NRXN1: variants seen among roughly 807,000 people sequenced by gnomAD.
NRXN1 encodes the protein neurexin-1.
A neutral mutation model predicts 150.9 loss-of-function variants in NRXN1; 39 were observed. The observed-to-expected ratio is 0.26, with a 90% CI of 0.20 to 0.34. The LOEUF (loss-of-function observed/expected upper bound fraction) is 0.34. Among genes scored for constraint, NRXN1 ranks in the 10% least tolerant of loss-of-function variants. The pLI, the probability that NRXN1 is intolerant of heterozygous loss-of-function variation, is 1.00. For synonymous variants in NRXN1, 924 were observed against 757.0 expected, an observed-to-expected ratio of 1.22 and a Z score of -3.62; for missense variants, 1,815 against 1,949.9, an observed-to-expected ratio of 0.93 and a Z score of 1.30.
intron 18 of NRXN1, among the ~76,000 whole-genome samples, chr2:50,167,455 A>G (rs553550995): frequency 1.3e-5 from 2 of 152,226 alleles, no homozygotes; most frequent in African/African-American, 4.8e-5. Context: ...ATATTTTAAG[A>G]AAACAGCTAC....
rs1558570045 is a variant in NRXN1 at position 50,346,738 on chromosome 2, A to T, written c.3365-109768T>A. 6.2e-7 allele frequency: 1 copy of T among 1,613,884 alleles called. No individual in the cohort carries two copies. The highest frequency in any genetic ancestry group is 2.2e-5 in the East Asian group (1 of 44,826). Reference sequence around the variant, plus strand: ...CGGTGACCTGTAGATTGCAATAGGCACTGAATGATGCTTGCTGCTGCCATG... The same window carrying T: ...CGGTGACCTGTAGATTGCAATAGGCTCTGAATGATGCTTGCTGCTGCCATG... On this transcript the variant is annotated intron_variant, in intron 17 of 22. Transcript: ENST00000401669. This position sits in a 1 kb window ranked among gnomAD's most constrained non-coding sequence, Gnocchi z 5.0.
chr2:50,172,489 T>A (rs2678225), intron 18 of NRXN1, among the ~76,000 whole-genome samples: 145,575 of 152,148 alleles, frequency 0.96, 69,708 homozygotes, highest in East Asian at 1. Flanking sequence ...GCTAGAACTG[T>A]GATATTTATC....
At chr2:50,381,522 AAC>A (rs59726557) in intron 17 of NRXN1, among the ~76,000 whole-genome samples, 18,716 of 128,132 alleles carry the variant, frequency 0.15, 1,206 homozygotes, top group East Asian at 0.24. Flanking sequence ...CAGGCTTTTA[AAC>A]ACACACACAC....
intron 17 of NRXN1, among the ~76,000 whole-genome samples, chr2:50,418,876 A>G (rs1207534756): frequency 6.6e-6 from 1 of 152,056 alleles, no homozygotes; most frequent in Non-Finnish European, 1.5e-5. Flanking sequence ...ACATGTTTAA[A>G]GGCATAAGTG....
intron 5 of NRXN1, among the ~76,000 whole-genome samples, chr2:50,908,755 G>C (rs1684094724): frequency 6.6e-6 from 1 of 152,002 alleles, no homozygotes; most frequent in African/African-American, 2.4e-5. Context: ...GGTCCTTTAG[G>C]AGGTAATTAG....
intron 5 of NRXN1, among the ~76,000 whole-genome samples, chr2:50,677,341 A>G (rs1189593790): frequency 6.6e-6 from 1 of 152,114 alleles, no homozygotes; most frequent in East Asian, 1.9e-4. Flanking sequence ...TGTGCAGGCT[A>G]TTGAAAGACT....
chr2:50,534,969 C>T (rs2093217246), intron 10 of NRXN1, among the ~76,000 whole-genome samples: 1 of 152,214 alleles, frequency 6.6e-6, no homozygotes, highest in African/African-American at 2.4e-5. Flanking sequence ...AGCTGCAGGA[C>T]TGAAATAACA....
intron 21 of NRXN1, among the ~76,000 whole-genome samples, chr2:50,037,316 T>C (rs541301744): frequency 1.7e-4 from 21 of 122,370 alleles, no homozygotes; most frequent in Non-Finnish European, 3.1e-4. Flanking sequence ...TCAAAATTTA[T>C]AAAAAAAATT....
intron 5 of NRXN1, among the ~76,000 whole-genome samples, chr2:50,689,314 C>T (rs746952937): frequency 4.6e-5 from 7 of 152,138 alleles, no homozygotes; most frequent in African/African-American, 1.7e-4. Context: ...AGAATTCCAT[C>T]GCCCTCAAAG....
At chr2:50,760,574 C>T (rs981006915) in intron 5 of NRXN1, among the ~76,000 whole-genome samples, 10 of 151,856 alleles carry the variant, frequency 6.6e-5, no homozygotes, top group Non-Finnish European at 1.3e-4. Context: ...CCACTCCTTT[C>T]TTGTTAAGGT....
chr2:50,870,573 T>C (rs1677630330), intron 5 of NRXN1, among the ~76,000 whole-genome samples: 1 of 152,006 alleles, frequency 6.6e-6, no homozygotes, highest in Non-Finnish European at 1.5e-5. Context: ...CAGTTTAAGT[T>C]TTTCTTGACT....
chr2:50,327,803 C>A (rs1415077836), intron 17 of NRXN1, among the ~76,000 whole-genome samples: 1 of 152,030 alleles, frequency 6.6e-6, no homozygotes, highest in African/African-American at 2.4e-5. Flanking sequence ...GCATGAGCCA[C>A]CTTGCCTGGC....
At chr2:50,684,095 C>T (rs1690874540) in intron 5 of NRXN1, among the ~76,000 whole-genome samples, 1 of 152,100 alleles carries the variant, frequency 6.6e-6, no homozygotes, top group African/African-American at 2.4e-5. Context: ...CACCAAACTA[C>T]AATACAGTAT....
intron 5 of NRXN1, among the ~76,000 whole-genome samples, chr2:50,889,423 C>G (rs765550907): frequency 6.6e-6 from 1 of 151,704 alleles, no homozygotes; most frequent in Admixed American, 6.6e-5. Context: ...AGAGCAAATG[C>G]TCAATAAACA....
At chr2:50,485,634 G>A (rs1039775034) in intron 15 of NRXN1, among the ~76,000 whole-genome samples, 2 of 152,232 alleles carry the variant, frequency 1.3e-5, no homozygotes, top group African/African-American at 4.8e-5. Context: ...CTCGTGGGCC[G>A]AGATAGGCCC....
chr2:50,373,625 GAAAA>G (rs751006823), intron 17 of NRXN1, among the ~76,000 whole-genome samples: 11 of 93,684 alleles, frequency 1.2e-4, no homozygotes, highest in African/African-American at 4.5e-4. Context: ...GAGAGAGAAA[GAAAA>G]GAAAGAAAGA....
intron 5 of NRXN1, among the ~76,000 whole-genome samples, chr2:50,765,174 T>A (rs1182663631): frequency 6.6e-6 from 1 of 152,024 alleles, no homozygotes; most frequent in Admixed American, 6.6e-5. Flanking sequence ...CAATACATAA[T>A]GTGAAGGGGG....
chr2:50,124,874 G>A (rs1455632691), intron 18 of NRXN1, among the ~76,000 whole-genome samples: 4 of 152,038 alleles, frequency 2.6e-5, no homozygotes, highest in Non-Finnish European at 5.9e-5. Flanking sequence ...TCCTCCTGCT[G>A]TGACCTTAGC....
chr2:50,606,250 G>GAAAAAAAA (rs1203771076), intron 8 of NRXN1, among the ~76,000 whole-genome samples: 2 of 75,510 alleles, frequency 2.6e-5, no homozygotes, highest in Non-Finnish European at 5.0e-5. Context: ...CTCTGTTTCA[G>GAAAAAAAA]AAAAAAAAAA....
Sources: gnomAD v4.1 joint callset for allele counts (sites outside exome capture counted in the v4.1 genomes callset) on GRCh38, gnomAD v4.1.1 for gene constraint, Gnocchi (gnomAD v3.1) non-coding constraint, MANE v1.5 for transcripts, NCBI Gene and HGNC (gene_info 2026-07-23, HGNC 2026-07-21) for gene names.